ZNF117: variants seen among roughly 807,000 people sequenced by gnomAD.
ZNF117 encodes zinc finger protein 117.
Under a neutral mutation model 41.2 loss-of-function variants are expected in ZNF117, and 37 were observed. The observed-to-expected ratio is 0.90, with a 90% CI of 0.69 to 1.18. ZNF117 has a LOEUF of 1.18. Among genes scored for constraint, ZNF117 ranks in the 50% most tolerant of loss-of-function variants. ZNF117 has a pLI of 0.00. For synonymous variants in ZNF117, 186 were observed against 186.6 expected, an observed-to-expected ratio of 1.00 and a Z score of 0.02; for missense variants, 546 against 557.5, an observed-to-expected ratio of 0.98 and a Z score of 0.21.
chr7:64,981,074 G>A, intron 2 of ZNF117: 1 of 298,908 alleles, frequency 3.3e-6, no homozygotes, highest in Non-Finnish European at 6.2e-6. Context: ...TCAAAATTAT[G>A]CATATTTGTG....
At chr7:64,989,679 C>A (rs1786219969) in intron 1 of ZNF117, among the ~76,000 whole-genome samples, 1 of 150,808 alleles carries the variant, frequency 6.6e-6, no homozygotes, top group Non-Finnish European at 1.5e-5. Context: ...AAACAGACAA[C>A]CTACAGACTA....
rs1002488601 is a variant in ZNF117 at position 64,981,976 on chromosome 7, G to C, written c.-63+8C>G. ...TAGGGTATATTAGAAAATGTGTATT[G>C]AAGTTACCTTCACCCAAGAAAACCA... On this transcript the variant is annotated splice_region_variant and intron_variant, in intron 1 of 2. Transcript: ENST00000620222. 1.6e-6 allele frequency: 1 copy of C among 609,950 alleles called. No individual in the cohort carries two copies. Among genetic ancestry groups the C allele is most frequent in the Non-Finnish European group, 2.9e-6 (1 of 340,518 alleles). 37.8% of individuals were successfully genotyped at this position (609,950 alleles called of 1,614,324 possible).
At chr7:64,989,270 A>C (rs1786200990) in intron 1 of ZNF117, among the ~76,000 whole-genome samples, 1 of 151,080 alleles carries the variant, frequency 6.6e-6, no homozygotes, top group Non-Finnish European at 1.5e-5. Flanking sequence ...ACCTGCAACC[A>C]TCTGATCTTC....
intron 1 of ZNF117, 124 bp downstream of exon 2, chr7:64,981,860 A>G (rs1320718427): frequency 2.7e-6 from 1 of 373,834 alleles, no homozygotes; most frequent in Non-Finnish European, 4.9e-6. Flanking sequence ...GACAAATCTA[A>G]AAGATTTTTT....
At chr7:64,985,801 A>T (rs1234933673), upstream of ZNF117, among the ~76,000 whole-genome samples, 1 of 152,000 alleles carries the variant, frequency 6.6e-6, no homozygotes, top group Non-Finnish European at 1.5e-5. Context: ...TCTACTGAAG[A>T]TACAAAAAAT....
chr7:64,989,486 T>TATATATATAC (rs1562649453), intron 1 of ZNF117, among the ~76,000 whole-genome samples: 116 of 74,604 alleles, frequency 1.6e-3, no homozygotes, highest in Non-Finnish European at 2.9e-3. Flanking sequence ...TATATATATA[T>TATATATATAC]ATATATATAT....
At chr7:64,987,399 C>CA (rs1786157549) in intron 1 of ZNF117, among the ~76,000 whole-genome samples, 1 of 152,034 alleles carries the variant, frequency 6.6e-6, no homozygotes, top group Non-Finnish European at 1.5e-5. Context: ...AGATGCAAGA[C>CA]AAAACCAATC....
chr7:64,975,029 G>C (rs533028813), exon 3 of ZNF117: 52 of 151,934 alleles, frequency 3.4e-4, no homozygotes, highest in Middle Eastern at 3.4e-3. Flanking sequence ...TAACCTATGG[G>C]AACAATGTTC....
chr7:64,973,141 A>T (rs1042903935), downstream of ZNF117: 2 of 152,054 alleles, frequency 1.3e-5, no homozygotes, highest in African/African-American at 2.4e-5. Flanking sequence ...CCACTAAAAA[A>T]ATAATGAGTG....
intron 1 of ZNF117, among the ~76,000 whole-genome samples, chr7:64,989,443 TTATATATATATATATATATATA>T (rs58009024): frequency 0.24 from 12,137 of 49,564 alleles, 1,490 homozygotes; most frequent in Non-Finnish European, 0.32. Flanking sequence ...GAACTTAAAA[TTATATATATATATATATATATA>T]TATATATATA....
exon 3 of ZNF117, chr7:64,978,812 T>C: frequency 1.2e-6 from 2 of 1,613,560 alleles, no homozygotes; most frequent in Non-Finnish European, 1.7e-6. Flanking sequence ...CTTTGCCGCA[T>C]TCTTCACATT....
rs1372273840 is a variant in ZNF117 at position 64,990,202 on chromosome 7, A to C, written c.-451T>G. ...ATATGAAAACAAAATTCACGTTGTT[A>C]ATTATTAGAAAAATGCAGAGAAAAA... On this transcript the variant is annotated 5_prime_UTR_variant, in exon 1 of 4. It adds an upstream start codon to the 5' untranslated region. Transcript: ENST00000282869. 1 of 152,266 alleles carries C rather than the reference A, an allele frequency of 6.6e-6. No homozygotes were observed. The highest frequency in any genetic ancestry group is 1.5e-5 in the Non-Finnish European group (1 of 68,042). 9.4% of individuals were successfully genotyped at this position (152,266 alleles called of 1,614,324 possible).
intron 2 of ZNF117, chr7:64,981,060 T>A: frequency 3.7e-6 from 1 of 269,062 alleles, no homozygotes; most frequent in South Asian, 5.5e-5. Flanking sequence ...TAACATAGAG[T>A]TTCTCAAAAT....
chr7:64,979,303 A>G (rs1491003285), exon 3 of ZNF117: 5 of 1,589,574 alleles, frequency 3.1e-6, no homozygotes, highest in Non-Finnish European at 4.3e-6. Context: ...ATTTTATGGA[A>G]AACTTCTACA....
At chr7:64,979,023 T>C (rs894917155) in exon 3 of ZNF117, 4 of 1,613,206 alleles carry the variant, frequency 2.5e-6, no homozygotes, top group Non-Finnish European at 2.5e-6. Flanking sequence ...AATTCTCTTA[T>C]GTCTAATAAG....
At chr7:64,982,015 C>G (rs1370375188) in exon 1 of ZNF117, 1 of 753,286 alleles carries the variant, frequency 1.3e-6, no homozygotes, top group Non-Finnish European at 2.3e-6. Flanking sequence ...TTCTGTAGTT[C>G]TCTCACATCA....
exon 3 of ZNF117, chr7:64,979,202 G>A (rs1785970132): frequency 1.2e-6 from 2 of 1,609,716 alleles, no homozygotes; most frequent in Non-Finnish European, 8.5e-7. Flanking sequence ...GTTGAGTTAG[G>A]TGTGAAAGCA....
chr7:64,972,807 A>C (rs1183216730), downstream of ZNF117: 1 of 152,074 alleles, frequency 6.6e-6, no homozygotes, highest in Non-Finnish European at 1.5e-5. Flanking sequence ...CTGACCACAA[A>C]AATGTTAACG....
At chr7:64,975,868 A>C (rs71562936) in exon 3 of ZNF117, 47 of 152,274 alleles carry the variant, frequency 3.1e-4, no homozygotes, top group Middle Eastern at 3.4e-3. Flanking sequence ...TTTTGGATTA[A>C]ATTTCTTTTA....
Sources: gnomAD v4.1 joint callset for allele counts (sites outside exome capture counted in the v4.1 genomes callset) on GRCh38, gnomAD v4.1.1 for gene constraint, MANE v1.5 for transcripts, NCBI Gene and HGNC (gene_info 2026-07-23, HGNC 2026-07-21) for gene names.